Variants in SLC25A51 observed in about 807,000 individuals in gnomAD.
SLC25A51 encodes mitochondrial nicotinamide adenine dinucleotide transporter SLC25A51.
Under a neutral mutation model 19.1 loss-of-function variants are expected in SLC25A51, and 11 were observed. That is an observed-to-expected ratio of 0.58 (90% CI 0.36 to 0.96). The LOEUF is 0.96. Ranked by LOEUF, SLC25A51 falls within the 40% of genes least tolerant of loss-of-function variation. The probability of loss-of-function intolerance (pLI) is 0.01; values close to 1 mark genes in which losing one functional copy is unlikely to be tolerated. For missense variants in SLC25A51, 201 were observed against 365.4 expected (o/e 0.55, Z 3.67); for synonymous variants, 105 against 133.6 (o/e 0.79, Z 1.47).
intron 3 of SLC25A51, among the ~76,000 whole-genome samples, chr9:37,881,201 TA>T (rs11402300): frequency 0.011 from 1,421 of 128,532 alleles, 10 homozygotes; most frequent in African/African-American, 0.025. Context: ...AAAGTAGATA[TA>T]AAAAAAAAAA....
chr9:37,884,920 C>T (rs547060957), downstream of SLC25A51, among the ~76,000 whole-genome samples: 19 of 152,264 alleles, frequency 1.2e-4, no homozygotes, highest in South Asian at 4.1e-4. Context: ...GAAAGCAAAA[C>T]AGGAACTTTC....
intron 1 of SLC25A51, among the ~76,000 whole-genome samples, chr9:37,901,509 C>T (rs180919655): frequency 1.3e-5 from 2 of 152,178 alleles, no homozygotes; most frequent in Non-Finnish European, 2.9e-5. Context: ...TATTTTTATC[C>T]TTTATTTCAT....
At chr9:37,894,814 C>G (rs564475947) in intron 2 of SLC25A51, among the ~76,000 whole-genome samples, 2 of 152,270 alleles carry the variant, frequency 1.3e-5, no homozygotes, top group African/African-American at 4.8e-5. Flanking sequence ...TTGTTCCTCT[C>G]TATGTGTCCA....
chr9:37,887,316 C>CAA (rs367826068), downstream of SLC25A51, among the ~76,000 whole-genome samples: 70 of 123,098 alleles, frequency 5.7e-4, no homozygotes, highest in Admixed American at 5.0e-4. Context: ...GACTCTGCCT[C>CAA]AAAAAAAAAA....
chr9:37,900,450 A>G (rs1294339027), intron 1 of SLC25A51, among the ~76,000 whole-genome samples: 3 of 141,848 alleles, frequency 2.1e-5, no homozygotes, highest in Non-Finnish European at 3.1e-5. Flanking sequence ...CTCTATCCAG[A>G]AAAAAAAAAA....
At chr9:37,886,332 A>C, downstream of SLC25A51, 2 of 1,613,936 alleles carry the variant, frequency 1.2e-6, no homozygotes, top group South Asian at 2.2e-5. Flanking sequence ...CCTGAGGAGC[A>C]GCCTGTGGCT....
chr9:37,879,130 A>G, downstream of SLC25A51: 1 of 354,550 alleles, frequency 2.8e-6, no homozygotes, highest in Non-Finnish European at 5.7e-6. Context: ...TTTGAGTAAC[A>G]TCTGCACATA....
chr9:37,887,506 C>T, downstream of SLC25A51: 1 of 891,418 alleles, frequency 1.1e-6, no homozygotes, highest in Non-Finnish European at 1.7e-6. Flanking sequence ...CCTGGACTTT[C>T]ACTAACCCTC....
At chr9:37,893,956 C>G (rs563100364) in intron 2 of SLC25A51, among the ~76,000 whole-genome samples, 1 of 152,154 alleles carries the variant, frequency 6.6e-6, no homozygotes, top group Non-Finnish European at 1.5e-5. Context: ...CACCCCTATT[C>G]CCTGCCCTCT....
chr9:37,898,735 T>A (rs1026198047), intron 2 of SLC25A51, among the ~76,000 whole-genome samples: 3 of 151,942 alleles, frequency 2.0e-5, no homozygotes, highest in African/African-American at 7.3e-5. Context: ...AATAAATAAA[T>A]AAAATAAAAA....
At chr9:37,894,997 C>T (rs748155526) in intron 2 of SLC25A51, among the ~76,000 whole-genome samples, 1 of 152,188 alleles carries the variant, frequency 6.6e-6, no homozygotes, top group Non-Finnish European at 1.5e-5. Context: ...ATGTGTACCA[C>T]GTCTTCTTTA....
At chr9:37,898,877 G>C (rs75058897) in intron 2 of SLC25A51, among the ~76,000 whole-genome samples, 2 of 152,152 alleles carry the variant, frequency 1.3e-5, no homozygotes, top group Non-Finnish European at 2.9e-5. Flanking sequence ...AATAACTCAA[G>C]AGTCTATCTT....
chr9:37,886,695 T>A (rs1021552186), downstream of SLC25A51, among the ~76,000 whole-genome samples: 1 of 152,206 alleles, frequency 6.6e-6, no homozygotes, highest in Non-Finnish European at 1.5e-5. Flanking sequence ...GACATCTCCA[T>A]GGTTTCTCCA....
At chr9:37,902,969 G>A (rs1587175814) in intron 1 of SLC25A51, among the ~76,000 whole-genome samples, 1 of 152,114 alleles carries the variant, frequency 6.6e-6, no homozygotes, top group Non-Finnish European at 1.5e-5. Context: ...GATCAGCCTG[G>A]GTCTAGTCCT....
At chr9:37,892,977 T>G (rs1831628466) in intron 2 of SLC25A51, among the ~76,000 whole-genome samples, 1 of 152,132 alleles carries the variant, frequency 6.6e-6, no homozygotes, top group African/African-American at 2.4e-5. Context: ...TGACCTCAGG[T>G]GATCCGCCCG....
chr9:37,892,913 T>C (rs1265176555), intron 2 of SLC25A51, among the ~76,000 whole-genome samples: 1 of 152,162 alleles, frequency 6.6e-6, no homozygotes, highest in Non-Finnish European at 1.5e-5. Flanking sequence ...CTAGTTTTTG[T>C]ATTTTTAGTA....
chr9:37,885,543 C>T (rs1336473779), downstream of SLC25A51: 7 of 602,474 alleles, frequency 1.2e-5, no homozygotes, highest in Non-Finnish European at 1.8e-5. Flanking sequence ...GCGCCCGCCA[C>T]CACGCCTGGC....
downstream of SLC25A51, chr9:37,887,550 CATA>C (rs1831487567): frequency 7.4e-7 from 1 of 1,344,596 alleles, no homozygotes; most frequent in Admixed American, 2.7e-5. Context: ...GATGGCTTTC[CATA>C]ATAAGATTGG....
chr9:37,882,628 C>A (rs1354668363), downstream of SLC25A51, among the ~76,000 whole-genome samples: 1 of 152,182 alleles, frequency 6.6e-6, no homozygotes, highest in African/African-American at 2.4e-5. Context: ...CACATATTCG[C>A]CACCATATCA....
Sources: gnomAD v4.1 joint callset for allele counts (sites outside exome capture counted in the v4.1 genomes callset) on GRCh38, gnomAD v4.1.1 for gene constraint, MANE v1.5 for transcripts, NCBI Gene and HGNC (gene_info 2026-07-23, HGNC 2026-07-21) for gene names.